The following P2RY2 variants were observed in gnomAD, a reference collection of about 807,000 sequenced individuals.
The protein encoded by P2RY2 is purinergic receptor P2Y2, also known as P2Y purinoceptor 2.
For synonymous variants in P2RY2, 241 were observed against 231.9 expected (o/e 1.04, Z -0.35); for missense variants, 567 against 515.7 (o/e 1.10, Z -0.96).
At position 73,229,582 on chromosome 11, in the gene P2RY2, C is replaced by T. The variant is rs376094350; in HGVS notation, c.-5+1407C>T. Among the ~76,000 whole-genome samples, 15 of 151,734 alleles carry T rather than the reference C, an allele frequency of 9.9e-5. No individual in the cohort carries two copies. The South Asian group carries it at 2.9e-3, about 30-fold the overall frequency. On this transcript the variant is annotated intron_variant, in intron 2 of 2. Coordinates refer to ENST00000393597, the MANE Select transcript of P2RY2 (RefSeq NM_002564.4). ...TGAGCCAGCCTGTAGAATGAGAGGG[C>T]GGGAGGGGTGAGTCTGGCCCAGGGC...
chr11:73,221,999 C>T (rs1862131322), intron 1 of P2RY2, among the ~76,000 whole-genome samples: 1 of 152,202 alleles, frequency 6.6e-6, no homozygotes, highest in Admixed American at 6.5e-5. Context: ...ATCACCCCAT[C>T]TCCTAGGCCT....
chr11:73,220,055 C>G (rs1329238911), intron 1 of P2RY2, among the ~76,000 whole-genome samples: 1 of 152,254 alleles, frequency 6.6e-6, no homozygotes, highest in Non-Finnish European at 1.5e-5. Context: ...TGCCAGCACC[C>G]TGCACAGGGC....
rs1862327773 is a variant in P2RY2, at chr11:73,227,980, GGA to G, written c.-198_-197del. 1 of 152,230 alleles carries G rather than the reference GGA, an allele frequency of 6.6e-6. No homozygotes were observed. Among genetic ancestry groups the G allele is most frequent in the Non-Finnish European group, 1.5e-5 (1 of 68,108 alleles). 9.4% of individuals were successfully genotyped at this position (152,230 alleles called of 1,614,324 possible). ...CTTTCTCTACCTCCCTCTGTCTGCA[GGA>G]GCCCCTTGTGGCAGCAGCACTACCT... On this transcript the variant is annotated splice_region_variant and 5_prime_UTR_variant, in exon 2 of 3. Coordinates refer to ENST00000393597, the MANE Select transcript of P2RY2 (RefSeq NM_002564.4).
rs907575836 is a variant in P2RY2 at position 73,235,471 on chromosome 11, C to T, written c.*178C>T. On this transcript the variant is annotated 3_prime_UTR_variant, in exon 3 of 3. Transcript: ENST00000393597. Reference sequence around the variant, plus strand: ...ACTCTGTGGTCCAGAGTCAACTGTTCCCATAACCCCTAGTCATCGTTTGTG... The same window carrying T: ...ACTCTGTGGTCCAGAGTCAACTGTTTCCATAACCCCTAGTCATCGTTTGTG... The T allele has an allele frequency of 1.4e-5, 19 of 1,356,520 alleles. No homozygotes were observed. In the Admixed American group the frequency reaches 2.5e-4, roughly 18 times the overall value. The allele number at this position is 1,356,520 out of a possible 1,614,324, so 84.0% of individuals were successfully genotyped here. A position where few individuals can be genotyped will look rare whatever the true frequency, so the allele number is the denominator to read the frequency against.
intron 1 of P2RY2, among the ~76,000 whole-genome samples, chr11:73,221,243 G>A (rs1010583356): frequency 3.3e-5 from 5 of 152,082 alleles, no homozygotes; most frequent in South Asian, 2.1e-4. Context: ...CACTAGTAAC[G>A]ATTTACAACA....
rs192691668 is a variant in P2RY2, at chr11:73,235,561, C to T, written c.*268C>T. 8.4e-7 allele frequency: 1 copy of T among 1,187,894 alleles called. No individual in the cohort carries two copies. The highest frequency in any genetic ancestry group is 1.6e-5 in the African/African-American group (1 of 63,286). 73.6% of individuals were successfully genotyped at this position (1,187,894 alleles called of 1,614,324 possible). Reference sequence around the variant, plus strand: ...GCTCAAGGTCAATGACACCCCTGGCCTGACTCCCATGCAAGTAGCTGGCTG... The same window carrying T: ...GCTCAAGGTCAATGACACCCCTGGCTTGACTCCCATGCAAGTAGCTGGCTG... On this transcript the variant is annotated 3_prime_UTR_variant, in exon 3 of 3. Coordinates refer to ENST00000393597, the MANE Select transcript of P2RY2 (RefSeq NM_002564.4).
rs1002835222 is a variant in P2RY2 at position 73,237,543 on chromosome 11, C to A, written c.*2250C>A. ...GATTACAGGTATGAGCCACCGCACCCGGCCCCTCTTGAGCTTTCTTAATGA... is the reference window on the plus strand; with the variant it reads ...GATTACAGGTATGAGCCACCGCACCAGGCCCCTCTTGAGCTTTCTTAATGA... On this transcript the variant is annotated 3_prime_UTR_variant, in exon 3 of 3. Coordinates refer to ENST00000393597, the MANE Select transcript of P2RY2 (RefSeq NM_002564.4). 6.6e-6 allele frequency among the ~76,000 whole-genome samples: 1 copy of A among 152,192 alleles called. No homozygotes were observed. Among genetic ancestry groups the A allele is most frequent in the Non-Finnish European group, 1.5e-5 (1 of 68,032 alleles).
In P2RY2 at chr11:73,235,181, CCGACAGAA is replaced by C. The variant is rs1410687932; in HGVS notation, c.1024_1031del (p.Asp342Ter). ...CGCCGCAGGCTGGGCCTGCGCAGAT[CCGACAGAA>C]CTGACATGCAGAGGATAGAAGATGT... On this transcript the variant is annotated frameshift_variant, in exon 3 of 3. Coordinates refer to ENST00000393597, the MANE Select transcript of P2RY2 (RefSeq NM_002564.4). LOFTEE classifies it low-confidence loss of function (END_TRUNC). 1.2e-6 allele frequency: 2 copies of C among 1,611,224 alleles called. No homozygotes were observed. The highest frequency in any genetic ancestry group is 2.7e-5 in the African/African-American group (2 of 74,936).
Position 73,235,361 on chromosome 11 carries a change from G to A in P2RY2, c.*68G>A, listed in dbSNP as rs147574123. ...GTAGAGGACCAGGACTTGTGCAGAC[G>A]CCACAGTCTCCCCAGATATGGACCA... On this transcript the variant is annotated 3_prime_UTR_variant, in exon 3 of 3. Coordinates refer to ENST00000393597, the MANE Select transcript of P2RY2 (RefSeq NM_002564.4). The A allele has an allele frequency of 4.6e-4, 692 of 1,506,956 alleles. 4 individuals are homozygous for A. The African/African-American group carries it at 8.0e-3, about 17-fold the overall frequency. 93.3% of individuals were successfully genotyped at this position (1,506,956 alleles called of 1,614,324 possible).
In P2RY2 at chr11:73,241,794, GGCCATCAGT is replaced by G. The variant is rs1386940939; in HGVS notation, c.*6505_*6513del. On this transcript the variant is annotated 3_prime_UTR_variant, in exon 3 of 3. Coordinates refer to ENST00000393597, the MANE Select transcript of P2RY2 (RefSeq NM_002564.4). ...CCTCTCTTGCTGACCTTGCTTCCTG[GGCCATCAGT>G]GCCCCCTGCACAGAACTCTCCAAAC... The G allele has an allele frequency of 2.0e-5, 3 of 152,050 alleles. No homozygotes were observed. Among genetic ancestry groups the G allele is most frequent in the African/African-American group, 7.3e-5 (3 of 41,364 alleles). The allele number at this position is 152,050 out of a possible 1,614,324, so 9.4% of individuals were successfully genotyped here.
intron 2 of P2RY2, among the ~76,000 whole-genome samples, chr11:73,229,676 G>C (rs1398011143): frequency 6.6e-6 from 1 of 152,106 alleles, no homozygotes; most frequent in African/African-American, 2.4e-5. Flanking sequence ...GGCGGAAGGG[G>C]CAGCTCTCTT....
rs1862630046 is a variant in P2RY2, at chr11:73,235,612, T to A, written c.*319T>A. On this transcript the variant is annotated 3_prime_UTR_variant, in exon 3 of 3. Transcript: ENST00000393597. ...TACTGCCAAGGTACCTAGGTTGGAG[T>A]CCAGCCTAATCAAGTCAAATGGAGA... 2.8e-6 allele frequency: 3 copies of A among 1,079,974 alleles called. No individual in the cohort carries two copies. The highest frequency in any genetic ancestry group is 3.4e-6 in the Non-Finnish European group (3 of 883,070). 66.9% of individuals were successfully genotyped at this position (1,079,974 alleles called of 1,614,324 possible). A position where few individuals can be genotyped will look rare whatever the true frequency, so the allele number is the denominator to read the frequency against.
rs1041252905 is a variant in P2RY2, at chr11:73,238,801, C to T, written c.*3508C>T. Among the ~76,000 whole-genome samples the T allele has an allele frequency of 6.6e-6, 1 of 152,184 alleles. No individual in the cohort carries two copies. The highest frequency in any genetic ancestry group is 1.5e-5 in the Non-Finnish European group (1 of 68,036). ...GGCCAGAATCATGCCCTTTATAGTG[C>T]CCCACGACACTCACAGCCCTGCAGG... On this transcript the variant is annotated 3_prime_UTR_variant, in exon 3 of 3. Coordinates refer to ENST00000393597, the MANE Select transcript of P2RY2 (RefSeq NM_002564.4).
In P2RY2 at chr11:73,235,647, A is replaced by C. The variant is rs1000781398; in HGVS notation, c.*354A>C. On this transcript the variant is annotated 3_prime_UTR_variant, in exon 3 of 3. Coordinates refer to ENST00000393597, the MANE Select transcript of P2RY2 (RefSeq NM_002564.4). ...TCAAGTCAAATGGAGAAACAGGCCC[A>C]GAGAGGAAGGTGGCTTACCAAGATC... 2 of 1,035,218 alleles carry C rather than the reference A, an allele frequency of 1.9e-6. No homozygotes were observed. Among genetic ancestry groups the C allele is most frequent in the African/African-American group, 3.4e-5 (2 of 58,506 alleles). 64.1% of individuals were successfully genotyped at this position (1,035,218 alleles called of 1,614,324 possible).
intron 1 of P2RY2, among the ~76,000 whole-genome samples, chr11:73,227,346 CTGTG>C (rs145168039): frequency 1.3e-5 from 2 of 149,846 alleles, no homozygotes; most frequent in South Asian, 4.2e-4. Context: ...ATGGTCTAGA[CTGTG>C]TGTGTGTGTG....
Position 73,235,789 on chromosome 11 carries a change from GC to G in P2RY2, c.*498del, listed in dbSNP as rs1314558839. ...CACAGTGGTCTGGAATGGACTGGGT[GC>G]CACGGTGGACTTAGCTCTGAGGAGT... On this transcript the variant is annotated 3_prime_UTR_variant, in exon 3 of 3. Coordinates refer to ENST00000393597, the MANE Select transcript of P2RY2 (RefSeq NM_002564.4). 11 of 1,001,346 alleles carry G rather than the reference GC, an allele frequency of 1.1e-5. No homozygotes were observed. Among genetic ancestry groups the G allele is most frequent in the Non-Finnish European group, 1.3e-5 (11 of 830,958 alleles). 62.0% of individuals were successfully genotyped at this position (1,001,346 alleles called of 1,614,324 possible). A position where few individuals can be genotyped will look rare whatever the true frequency, so the allele number is the denominator to read the frequency against.
intron 2 of P2RY2, among the ~76,000 whole-genome samples, chr11:73,231,556 CAAAAAGAAAAAAA>C (rs1862459527): frequency 2.1e-5 from 3 of 140,154 alleles, no homozygotes; most frequent in Admixed American, 7.3e-5. Flanking sequence ...GAATCTGTCT[CAAAAAGAAAAAAA>C]AAAAAGAAAG....
intron 1 of P2RY2, among the ~76,000 whole-genome samples, chr11:73,223,232 G>C (rs1862171909): frequency 1.3e-5 from 2 of 152,184 alleles, no homozygotes; most frequent in African/African-American, 2.4e-5. Flanking sequence ...GTTCCTGGTT[G>C]ATGCTTTCAT....
rs58342890 is a variant in P2RY2, at chr11:73,239,827, C to A, written c.*4534C>A. 3,935 of 152,422 alleles carry A rather than the reference C, an allele frequency of 0.026. 169 individuals carry two copies. The highest frequency in any genetic ancestry group is 0.089 in the African/African-American group (3,706 of 41,524). The allele number at this position is 152,422 out of a possible 1,614,324, so 9.4% of individuals were successfully genotyped here. On this transcript the variant is annotated 3_prime_UTR_variant, in exon 3 of 3. Coordinates refer to ENST00000393597, the MANE Select transcript of P2RY2 (RefSeq NM_002564.4). ...CTAGGGTGGAGGCAGTGTTTCTCCC[C>A]AGCATCAAGTGACCAGAGAAGTGAA...
Sources: allele counts gnomAD v4.1 joint callset (sites outside exome capture counted in the v4.1 genomes callset), GRCh38; gene constraint gnomAD v4.1.1; transcripts MANE v1.5; gene names NCBI Gene and HGNC (gene_info 2026-07-23, HGNC 2026-07-21).